Variants in FOXP1 observed in about 807,000 individuals in gnomAD.
FOXP1 encodes the protein forkhead box protein P1.
Under a neutral mutation model 98.2 loss-of-function variants are expected in FOXP1, and 15 were observed. The ratio of observed to expected loss-of-function variants is 0.15; its 90% CI spans 0.10 to 0.24. The LOEUF (loss-of-function observed/expected upper bound fraction) is 0.24, where lower values mean the gene tolerates loss of function less well. Among genes scored for constraint, FOXP1 ranks in the 10% least tolerant of loss-of-function variants. The probability of loss-of-function intolerance (pLI) is 1.00; values close to 1 mark genes in which losing one functional copy is unlikely to be tolerated. For synonymous variants in FOXP1, 371 were observed against 314.5 expected (o/e 1.18, Z -1.90); for missense variants, 633 against 848.5 (o/e 0.75, Z 3.15).
chr3:71,079,389 T>C (rs2054170792), intron 7 of FOXP1, among the ~76,000 whole-genome samples: 1 of 152,210 alleles, frequency 6.6e-6, no homozygotes, highest in African/African-American at 2.4e-5. Flanking sequence ...TCATGCCCAT[T>C]AACGATCTTT....
chr3:70,974,350 T>C (rs1156462254), intron 17 of FOXP1, among the ~76,000 whole-genome samples: 3 of 152,156 alleles, frequency 2.0e-5, no homozygotes, highest in Non-Finnish European at 2.9e-5. Flanking sequence ...CTGACTGCAG[T>C]GCAGTGGTTC....
intron 6 of FOXP1, among the ~76,000 whole-genome samples, chr3:71,147,481 C>A (rs554263205): frequency 6.6e-6 from 1 of 152,176 alleles, no homozygotes; most frequent in African/African-American, 2.4e-5. Flanking sequence ...AGCTGGAACC[C>A]GAAGATGTTA....
intron 3 of FOXP1, among the ~76,000 whole-genome samples, chr3:71,412,565 T>C (rs1278782205): frequency 6.6e-6 from 1 of 152,104 alleles, no homozygotes; most frequent in Non-Finnish European, 1.5e-5. Flanking sequence ...AACTACCCTT[T>C]GAAGAAAATG....
chr3:71,520,027 T>C (rs545864607), intron 2 of FOXP1, among the ~76,000 whole-genome samples: 4 of 152,180 alleles, frequency 2.6e-5, no homozygotes, highest in South Asian at 2.1e-4. Context: ...GAAATAAAAT[T>C]AGATGAAAAA....
At chr3:71,275,752 A>G (rs1560224408) in intron 5 of FOXP1, among the ~76,000 whole-genome samples, 1 of 152,238 alleles carries the variant, frequency 6.6e-6, no homozygotes, top group African/African-American at 2.4e-5. Context: ...CCGTATTATT[A>G]GAGTTACACA....
intron 6 of FOXP1, among the ~76,000 whole-genome samples, chr3:71,174,944 G>A (rs1281265837): frequency 2.7e-5 from 4 of 147,042 alleles, no homozygotes; most frequent in African/African-American, 7.5e-5. Context: ...ATGGAGTCTC[G>A]CTCTTGTTGC....
rs570568366 is a variant in FOXP1, at chr3:71,381,298, C to G, written c.-167-22054G>C. ...CCCCAGTAGCTGGAACTACAGGCGC[C>G]TGCCACCGCGCCCGGCTAATTTTTT... On this transcript the variant is annotated intron_variant, in intron 3 of 20. Coordinates refer to ENST00000649528, the MANE Select transcript of FOXP1 (RefSeq NM_001349338.3). 3.9e-4 allele frequency among the ~76,000 whole-genome samples: 59 copies of G among 152,094 alleles called. No homozygotes were observed. The South Asian group carries it at 0.012, about 32-fold the overall frequency.
At chr3:71,171,913 G>T (rs553039711) in intron 6 of FOXP1, among the ~76,000 whole-genome samples, 8 of 152,164 alleles carry the variant, frequency 5.3e-5, no homozygotes, top group Non-Finnish European at 1.0e-4. Context: ...CAGAGTCCAT[G>T]AATATTAATT....
At chr3:71,301,811 C>T (rs553455865) in intron 4 of FOXP1, among the ~76,000 whole-genome samples, 1 of 152,292 alleles carries the variant, frequency 6.6e-6, no homozygotes, top group Middle Eastern at 3.4e-3. Flanking sequence ...AACACTAGAC[C>T]TGTTTTTCTA....
chr3:71,090,220 T>A (rs1402604446), intron 7 of FOXP1, among the ~76,000 whole-genome samples: 2 of 152,196 alleles, frequency 1.3e-5, no homozygotes, highest in East Asian at 3.9e-4. Flanking sequence ...GATTCCTATT[T>A]TCAAGAAATT....
At chr3:71,505,786 A>C (rs2041779254) in intron 2 of FOXP1, among the ~76,000 whole-genome samples, 1 of 152,016 alleles carries the variant, frequency 6.6e-6, no homozygotes, top group Admixed American at 6.5e-5. Flanking sequence ...TTTTCTTCTG[A>C]ATCACAACTG....
At chr3:71,053,307 G>A (rs1045689160) in intron 8 of FOXP1, among the ~76,000 whole-genome samples, 16 of 152,040 alleles carry the variant, frequency 1.1e-4, no homozygotes. Context: ...CACTCCCAAC[G>A]TGCTCCTCAT....
rs1051228851 is a variant in FOXP1, at chr3:71,556,969, G to T, written c.-298+24580C>A. On this transcript the variant is annotated intron_variant, in intron 2 of 20. Transcript: ENST00000649528. The stretch of plus-strand genomic sequence containing the variant: ...AAGTGCAGCAATCTTTAAAAATCAT[G>T]CTTACAGAGAATATTCAATGACTAA... 4.2e-3 allele frequency among the ~76,000 whole-genome samples: 645 copies of T among 152,174 alleles called. 4 individuals carry two copies. The highest frequency in any genetic ancestry group is 0.015 in the African/African-American group (623 of 41,518).
At chr3:71,298,861 G>C (rs1477908761) in intron 5 of FOXP1, among the ~76,000 whole-genome samples, 1 of 152,108 alleles carries the variant, frequency 6.6e-6, no homozygotes, top group African/African-American at 2.4e-5. Flanking sequence ...TCAATAATAA[G>C]TCTATATCTG....
At chr3:71,188,928 A>T (rs1560087141) in intron 6 of FOXP1, among the ~76,000 whole-genome samples, 1 of 152,216 alleles carries the variant, frequency 6.6e-6, no homozygotes, top group Non-Finnish European at 1.5e-5. Context: ...CTTAAAAAAA[A>T]ATCCAATATC....
chr3:71,041,099 G>A (rs139732039), intron 11 of FOXP1, among the ~76,000 whole-genome samples: 3 of 152,180 alleles, frequency 2.0e-5, no homozygotes, highest in African/African-American at 4.8e-5. Context: ...ACTTCTGCCC[G>A]GGTTCCTAAG....
At chr3:70,973,835 G>GCCCCCCCCCCCCCCCCCCCCCCCCC (rs56950015) in intron 17 of FOXP1, among the ~76,000 whole-genome samples, 29 of 36,694 alleles carry the variant, frequency 7.9e-4, no homozygotes, top group Non-Finnish European at 9.1e-4. Context: ...TTTGCACACC[G>GCCCCCCCCCCCCCCCCCCCCCCCCC]CCCCCCCCCC....
intron 14 of FOXP1, among the ~76,000 whole-genome samples, chr3:70,981,200 A>G (rs1200216545): frequency 7.0e-6 from 1 of 141,946 alleles, no homozygotes; most frequent in Non-Finnish European, 1.5e-5. Flanking sequence ...CCAAAAAAAA[A>G]AAAAAAAAAA....
intron 5 of FOXP1, among the ~76,000 whole-genome samples, chr3:71,262,267 A>C (rs2069228665): frequency 4.1e-5 from 2 of 48,312 alleles, no homozygotes; most frequent in Admixed American, 2.1e-4. Context: ...TCTGTCACAA[A>C]AAAAAAAAAA....
Sources: allele counts gnomAD v4.1 joint callset (sites outside exome capture counted in the v4.1 genomes callset), GRCh38; gene constraint gnomAD v4.1.1; transcripts MANE v1.5; gene names NCBI Gene and HGNC (gene_info 2026-07-23, HGNC 2026-07-21).